The following TULP4 variants were observed in gnomAD, a reference collection of about 807,000 sequenced individuals.
The protein encoded by TULP4 is TUB like protein 4.
A neutral mutation model predicts 129.0 loss-of-function variants in TULP4; 16 were observed. The ratio of observed to expected loss-of-function variants is 0.12; its 90% CI spans 0.08 to 0.19. TULP4 has a LOEUF of 0.19. TULP4 is among the 10% of genes least tolerant of loss of function. The probability of loss-of-function intolerance (pLI) is 1.00; values close to 1 mark genes in which losing one functional copy is unlikely to be tolerated. For missense variants in TULP4, 1,842 were observed against 2,059.1 expected, an observed-to-expected ratio of 0.89 and a Z score of 2.04; for synonymous variants, 998 against 854.0, an observed-to-expected ratio of 1.17 and a Z score of -2.94.
chr6:158,384,289 C>CTTTTTTTTTTTTTTTTTTTTTT (rs10634916), intron 1 of TULP4, among the ~76,000 whole-genome samples: 1 of 144,472 alleles, frequency 6.9e-6, no homozygotes. Flanking sequence ...GCCTGTTTAG[C>CTTTTTTTTTTTTTTTTTTTTTT]TTTTTTTTTT....
intron 1 of TULP4, among the ~76,000 whole-genome samples, chr6:158,234,234 A>G (rs1455202052): frequency 1.3e-5 from 2 of 152,192 alleles, no homozygotes; most frequent in East Asian, 3.8e-4. Context: ...TTACCTACCA[A>G]AACTCTGAAT....
upstream of TULP4, among the ~76,000 whole-genome samples, chr6:158,308,955 C>G (rs1306555821): frequency 7.2e-6 from 1 of 138,782 alleles, no homozygotes; most frequent in Non-Finnish European, 1.6e-5. Flanking sequence ...ACCTCCCTCC[C>G]GGACGGGGCG....
chr6:158,401,664 C>T (rs974543637), intron 1 of TULP4, among the ~76,000 whole-genome samples: 34 of 152,076 alleles, frequency 2.2e-4, no homozygotes, highest in Non-Finnish European at 1.8e-4. Context: ...CAGGTAGAGT[C>T]AGCTCTGGAC....
chr6:158,480,937 CT>C, intron 7 of TULP4, 117 bp from the exon 8 acceptor site: 1 of 867,556 alleles, frequency 1.2e-6, no homozygotes, highest in South Asian at 1.8e-5. Flanking sequence ...GGCCCCCAGC[CT>C]GTGCTCTGTC....
At position 158,459,220 on chromosome 6, in the gene TULP4, C is replaced by T. The variant is rs919926274; in HGVS notation, c.860-2343C>T. On this transcript the variant is annotated intron_variant, in intron 5 of 13. Coordinates refer to ENST00000367097, the MANE Select transcript of TULP4 (RefSeq NM_020245.5). ...CCGAGGCGGGTGGATCACATGAGGT[C>T]GGGAAGTTGAGACCAGCCTGACCAA... Among the ~76,000 whole-genome samples, 5 of 152,080 alleles carry T rather than the reference C, an allele frequency of 3.3e-5. No homozygotes were observed. The East Asian group carries it at 5.8e-4, about 18-fold the overall frequency.
Position 158,489,704 on chromosome 6 carries a change from A to G in TULP4, c.1603A>G (p.Arg535Gly). ...WAAKKSPKIS[R>G]ASKSPKLPRI... The stretch of plus-strand genomic sequence containing the variant: ...TGCCAAGAAATCTCCCAAAATCTCC[A>G]GAGCTAGCAAATCACCCAAACTCCC... Residue 535 changes from arginine (R) to glycine (G), a missense_variant, in exon 9 of 14, where the codon AGA (arginine) becomes GGA (glycine). Transcript: ENST00000367097. The G allele has an allele frequency of 1.2e-6, 2 of 1,614,214 alleles. No individual in the cohort carries two copies. Among genetic ancestry groups the G allele is most frequent in the African/African-American group, 1.3e-5 (1 of 75,062 alleles).
At position 158,274,188 on chromosome 6, in the gene TULP4, G is replaced by A. The variant is rs1049056295; in HGVS notation, n.69-37863G>A. Reference sequence around the variant, plus strand: ...CAGGAGAATTGCTTGAACCCGGGAGGTGGAGGTTGTAATGAGCCAAGATCA... The same window carrying A: ...CAGGAGAATTGCTTGAACCCGGGAGATGGAGGTTGTAATGAGCCAAGATCA... On this transcript the variant is annotated intron_variant and non_coding_transcript_variant, in intron 1 of 1. Transcript: ENST00000620026. Among the ~76,000 whole-genome samples the A allele has an allele frequency of 1.5e-4, 23 of 152,182 alleles. No homozygotes were observed. The East Asian group carries it at 4.3e-3, about 28-fold the overall frequency.
rs376595705 is a variant in TULP4, at chr6:158,437,089, G to A, written c.543+7192G>A. Among the ~76,000 whole-genome samples the A allele has an allele frequency of 9.1e-4, 139 of 152,280 alleles. 1 individual carries two copies. The highest frequency in any genetic ancestry group is 3.2e-3 in the African/African-American group (131 of 41,562). ...AAGCAGTAACAGTCACTGAATGCCTGTGCACCTCTGGGACATCTGTGAGAT... is the reference window on the plus strand; with the variant it reads ...AAGCAGTAACAGTCACTGAATGCCTATGCACCTCTGGGACATCTGTGAGAT... On this transcript the variant is annotated intron_variant, in intron 3 of 13. Transcript: ENST00000367097.
chr6:158,439,683 C>T (rs2115093822), intron 3 of TULP4, among the ~76,000 whole-genome samples: 1 of 142,648 alleles, frequency 7.0e-6, no homozygotes, highest in South Asian at 2.3e-4. Flanking sequence ...CTCATGTAAG[C>T]TCTTGTACTA....
chr6:158,331,737 A>ATG (rs1779890481), intron 1 of TULP4, among the ~76,000 whole-genome samples: 1 of 25,484 alleles, frequency 3.9e-5, no homozygotes. Context: ...ACATACGTAT[A>ATG]TATATACGTG....
upstream of TULP4, among the ~76,000 whole-genome samples, chr6:158,309,718 G>A (rs1003553184): frequency 2.6e-5 from 4 of 152,048 alleles, no homozygotes; most frequent in African/African-American, 4.8e-5. Context: ...GCGAAACCCC[G>A]TCTCCACCAA....
intron 8 of TULP4, chr6:158,481,630 G>A: frequency 3.1e-6 from 1 of 325,892 alleles, no homozygotes; most frequent in Non-Finnish European, 5.8e-6. Flanking sequence ...GTAATATTGA[G>A]ACAACTTGAA....
intron 1 of TULP4, among the ~76,000 whole-genome samples, chr6:158,299,303 C>T (rs998884454): frequency 2.6e-5 from 4 of 152,130 alleles, no homozygotes; most frequent in Admixed American, 1.3e-4. Flanking sequence ...TTAAATAGCC[C>T]TTTGGTGCCC....
chr6:158,242,210 A>G lies in TULP4; in HGVS notation n.68+9907A>G, dbSNP rs887855528. 2.7e-6 allele frequency: 4 copies of G among 1,463,458 alleles called. No individual in the cohort carries two copies. The Admixed American group carries it at 6.8e-5, about 25-fold the overall frequency. The allele number at this position is 1,463,458 out of a possible 1,614,324, so 90.7% of individuals were successfully genotyped here. ...GTGTCTTCTGATAATGAATGGTGGCAAAGACCTTCAGCTTTTTGTAGGATG... is the reference window on the plus strand; with the variant it reads ...GTGTCTTCTGATAATGAATGGTGGCGAAGACCTTCAGCTTTTTGTAGGATG... On this transcript the variant is annotated intron_variant and non_coding_transcript_variant, in intron 1 of 1. Coordinates refer to the TULP4 transcript ENST00000620026.
chr6:158,476,005 C>T (rs1315440472), intron 6 of TULP4, among the ~76,000 whole-genome samples: 1 of 152,170 alleles, frequency 6.6e-6, no homozygotes, highest in East Asian at 1.9e-4. Context: ...TCTGACCAAA[C>T]AGTCATCACA....
chr6:158,444,265 TTA>T (rs1179139106), intron 3 of TULP4, among the ~76,000 whole-genome samples: 2,247 of 129,026 alleles, frequency 0.017, 121 homozygotes, highest in African/African-American at 0.04. Flanking sequence ...TTTTTTTTTT[TTA>T]ACTTTTGCCG....
chr6:158,460,161 G>A (rs1026412533), intron 5 of TULP4, among the ~76,000 whole-genome samples: 4 of 152,094 alleles, frequency 2.6e-5, no homozygotes, highest in Non-Finnish European at 5.9e-5. Context: ...AACCTGTCTT[G>A]TCCCAGGAGA....
intron 1 of TULP4, among the ~76,000 whole-genome samples, chr6:158,299,611 C>T (rs997425380): frequency 6.6e-6 from 1 of 152,120 alleles, no homozygotes; most frequent in Non-Finnish European, 1.5e-5. Context: ...GTCCAAAGCC[C>T]AGAGGAGGGC....
chr6:158,328,182 A>G (rs770022491), intron 1 of TULP4, among the ~76,000 whole-genome samples: 16 of 146,764 alleles, frequency 1.1e-4, no homozygotes, highest in Non-Finnish European at 2.4e-4. Context: ...GAGGAGCAGG[A>G]GGAGGGAGGA....
Sources: gnomAD v4.1 joint callset for allele counts (sites outside exome capture counted in the v4.1 genomes callset) on GRCh38, gnomAD v4.1.1 for gene constraint, MANE v1.5 for transcripts, NCBI Gene and HGNC (gene_info 2026-07-23, HGNC 2026-07-21) for gene names.